WWC1: variants seen among roughly 807,000 people sequenced by gnomAD.
WWC1 encodes the protein protein KIBRA.
Under a neutral mutation model 138.4 loss-of-function variants are expected in WWC1, and 55 were observed. The ratio of observed to expected loss-of-function variants is 0.40; its 90% CI spans 0.32 to 0.50. The LOEUF is 0.50. Among genes scored for constraint, WWC1 ranks in the 20% least tolerant of loss-of-function variants. WWC1 has a pLI of 0.72. For missense variants in WWC1, 1,226 were observed against 1,420.4 expected (o/e 0.86, Z 2.20); for synonymous variants, 524 against 564.9 (o/e 0.93, Z 1.03).
At chr5:168,406,130 T>C (rs1779768813) in intron 5 of WWC1, 68 bp from the exon 6 acceptor site, 1 of 1,578,378 alleles carries the variant, frequency 6.3e-7, no homozygotes, top group East Asian at 2.3e-5. Flanking sequence ...TGGTCTGTGC[T>C]TTTCCCCTGG....
At position 168,465,222 on chromosome 5, in the gene WWC1, CTTA is replaced by C. The variant is rs533306462; in HGVS notation, c.3150+266_3150+268del. ...GTTGTTGTGATTTTGTGTGCAAGCC[CTTA>C]TTATTCACACATGTACTCATCATGC... On this transcript the variant is annotated intron_variant, in intron 21 of 22. Transcript: ENST00000265293. Among the ~76,000 whole-genome samples the C allele has an allele frequency of 1.7e-3, 256 of 152,324 alleles. 1 individual carries two copies. The highest frequency in any genetic ancestry group is 5.8e-3 in the African/African-American group (241 of 41,572).
chr5:168,390,761 C>T (rs982623342), intron 3 of WWC1, among the ~76,000 whole-genome samples: 16 of 152,268 alleles, frequency 1.1e-4, no homozygotes, highest in African/African-American at 3.9e-4. Flanking sequence ...AGACGGGGCC[C>T]TGCCTTGGGG....
At chr5:168,394,432 G>A (rs182916849) in intron 3 of WWC1, among the ~76,000 whole-genome samples, 270 of 152,332 alleles carry the variant, frequency 1.8e-3, no homozygotes, top group Admixed American at 4.2e-3. Flanking sequence ...TGGATATAAA[G>A]TTCTTGTAGC....
chr5:168,326,029 A>G lies in WWC1; in HGVS notation c.119+33758A>G, dbSNP rs377174713. ...GTAAATCATATTCCCTTGTATGTTGATATCACATTTTGCTTTTCTGTTCCT... is the reference window on the plus strand; with the variant it reads ...GTAAATCATATTCCCTTGTATGTTGGTATCACATTTTGCTTTTCTGTTCCT... On this transcript the variant is annotated intron_variant, in intron 1 of 22. Transcript: ENST00000265293. Among the ~76,000 whole-genome samples the G allele has an allele frequency of 2.5e-4, 38 of 152,186 alleles. 1 individual carries two copies. Among genetic ancestry groups the G allele is most frequent in the Middle Eastern group, 3.4e-3 (1 of 294 alleles).
chr5:168,411,280 G>A (rs1009528828), intron 8 of WWC1, among the ~76,000 whole-genome samples: 1 of 152,068 alleles, frequency 6.6e-6, no homozygotes, highest in African/African-American at 2.4e-5. Context: ...AGAATGCCCT[G>A]GGCATTGTGG....
Position 168,372,022 on chromosome 5 carries a change from CGAGAGAGAGA to C in WWC1, c.229+500_229+509del, listed in dbSNP as rs10602598. Among the ~76,000 whole-genome samples, 93 of 145,804 alleles carry C rather than the reference CGAGAGAGAGA, an allele frequency of 6.4e-4. 1 individual carries two copies. Among genetic ancestry groups the C allele is most frequent in the Non-Finnish European group, 6.0e-5 (4 of 66,322 alleles). Reference sequence around the variant, plus strand: ...TGCATATATGTCCATAGTGAATTGGCGAGAGAGAGAGAGAGAGAGAAAGAGTGTGTTTGTG... The same window carrying C: ...TGCATATATGTCCATAGTGAATTGGCGAGAGAGAGAAAGAGTGTGTTTGTG... On this transcript the variant is annotated intron_variant, in intron 2 of 22. Transcript: ENST00000265293.
chr5:168,417,890 G>A (rs1202015288), intron 9 of WWC1, among the ~76,000 whole-genome samples: 3 of 152,180 alleles, frequency 2.0e-5, no homozygotes, highest in Non-Finnish European at 1.5e-5. Flanking sequence ...TCCCACAGTG[G>A]GGAGACGGGA....
At chr5:168,336,023 G>A (rs1008188577) in intron 1 of WWC1, among the ~76,000 whole-genome samples, 3 of 152,150 alleles carry the variant, frequency 2.0e-5, no homozygotes, top group Admixed American at 6.5e-5. Flanking sequence ...GTTGTCAGAG[G>A]TTTTCAAATG....
intron 7 of WWC1, among the ~76,000 whole-genome samples, chr5:168,409,048 A>G (rs943402696): frequency 6.6e-6 from 1 of 151,844 alleles, no homozygotes; most frequent in Admixed American, 6.6e-5. Context: ...TCCTCCTGTT[A>G]GTCTCAAAAC....
chr5:168,436,842 T>G (rs1201845630), intron 15 of WWC1, among the ~76,000 whole-genome samples: 1 of 152,144 alleles, frequency 6.6e-6, no homozygotes, highest in Non-Finnish European at 1.5e-5. Flanking sequence ...GTTTCCCGGC[T>G]TCTGTCCTTT....
At chr5:168,393,204 C>G (rs141734597) in intron 3 of WWC1, among the ~76,000 whole-genome samples, 2 of 152,120 alleles carry the variant, frequency 1.3e-5, no homozygotes, top group African/African-American at 4.8e-5. Flanking sequence ...AGAAAAGCAT[C>G]GCTGAAATAA....
chr5:168,394,138 C>T (rs746706487), intron 3 of WWC1, among the ~76,000 whole-genome samples: 1 of 152,026 alleles, frequency 6.6e-6, no homozygotes, highest in Admixed American at 6.6e-5. Context: ...AGGCTAAGTC[C>T]CCACCCTCCT....
At position 168,464,746 on chromosome 5, in the gene WWC1, G is replaced by T. The variant is rs765562183; in HGVS notation, c.2934G>T (p.Ser978=). Residue 978 remains serine, a synonymous_variant, in exon 21 of 23, where the codon TCG becomes TCT. Transcript: ENST00000265293. ...VRMKRPSSVK[S]LRSERLIRTS... is the part of the protein sequence containing the mutation. ...CCCCACAGCCTTCCTCGGTCAAGTC[G>T]CTGCGCTCCGAGCGTCTGATCCGTA... 1.2e-6 allele frequency: 2 copies of T among 1,614,156 alleles called. No individual in the cohort carries two copies. Among genetic ancestry groups the T allele is most frequent in the African/African-American group, 1.3e-5 (1 of 75,040 alleles).
rs781594410 is a variant in WWC1, at chr5:168,469,004, C to T, written c.3329C>T (p.Ala1110Val). The change falls in exon 23 of 23, where the codon GCA becomes GTA. Residue 1110 changes from alanine to valine, a missense_variant. Coordinates refer to ENST00000265293, the MANE Select transcript of WWC1 (RefSeq NM_015238.3). The part of the protein sequence containing the change: ...RPRMNIPALS[A>V]DDV The stretch of plus-strand genomic sequence containing the variant: ...CGGATGAATATCCCAGCTCTCTCTG[C>T]AGATGACGTCTAATCGCCAGAAAAG... 5.6e-6 allele frequency: 9 copies of T among 1,614,106 alleles called. No individual in the cohort carries two copies. Among genetic ancestry groups the T allele is most frequent in the South Asian group, 1.1e-5 (1 of 91,092 alleles).
intron 9 of WWC1, among the ~76,000 whole-genome samples, chr5:168,418,962 G>A (rs996061144): frequency 6.6e-6 from 1 of 152,186 alleles, no homozygotes; most frequent in Admixed American, 6.5e-5. Context: ...AGCTGACCAA[G>A]AACCATGCCA....
chr5:168,321,181 A>G (rs1203100490), intron 1 of WWC1, among the ~76,000 whole-genome samples: 1 of 152,146 alleles, frequency 6.6e-6, no homozygotes, highest in Non-Finnish European at 1.5e-5. Context: ...CTTTTGTGCC[A>G]CCGGGATTAA....
Position 168,371,525 on chromosome 5 carries a change from A to G in WWC1, c.221A>G (p.His74Arg). The part of the protein sequence containing the change: ...DPQVGDYFID[H>R]NTKTTQIEDP... ...CAGGTTGGAGATTACTTCATAGACC[A>G]CAACACCAGTAAGTTCCCGACGGTC... Residue 74 changes from histidine (H) to arginine (R), a missense_variant, in exon 2 of 23, where the codon CAC (histidine) becomes CGC (arginine). His to Arg is a conservative substitution (Grantham distance 29). Around this residue, in one of 3 missense-constraint regions of WWC1, gnomAD observed 1,016 missense variants for 1,153.9 expected, o/e 0.88. Transcript: ENST00000265293. 1 of 1,613,264 alleles carries G rather than the reference A, an allele frequency of 6.2e-7. No homozygotes were observed. The highest frequency in any genetic ancestry group is 8.5e-7 in the Non-Finnish European group (1 of 1,179,314).
At chr5:168,348,573 G>A (rs148829436) in intron 1 of WWC1, among the ~76,000 whole-genome samples, 5 of 152,302 alleles carry the variant, frequency 3.3e-5, no homozygotes, top group African/African-American at 1.2e-4. Flanking sequence ...GGCCAGAGGA[G>A]AGCCACACAC....
intron 1 of WWC1, among the ~76,000 whole-genome samples, chr5:168,368,153 C>T (rs954906603): frequency 2.0e-5 from 3 of 149,370 alleles, no homozygotes; most frequent in Admixed American, 6.7e-5. Context: ...TGCAACGGCA[C>T]GATCTCGGCT....
Sources: allele counts gnomAD v4.1 joint callset (sites outside exome capture counted in the v4.1 genomes callset), GRCh38; gene constraint gnomAD v4.1.1; regional missense constraint gnomAD v4.1.1; transcripts MANE v1.5; gene names NCBI Gene and HGNC (gene_info 2026-07-23, HGNC 2026-07-21).